Variants in LUZP2 observed in about 807,000 individuals in gnomAD.
The protein encoded by LUZP2 is leucine zipper protein 2.
In LUZP2, 52 loss-of-function variants were observed where a neutral mutation model predicts 51.6. That is an observed-to-expected ratio of 1.01 (90% CI 0.81 to 1.27). LUZP2 has a LOEUF of 1.27. Among genes scored for constraint, LUZP2 ranks in the 50% most tolerant of loss-of-function variants. The pLI, the probability that LUZP2 is intolerant of heterozygous loss-of-function variation, is 0.00. For synonymous variants in LUZP2, 154 were observed against 137.3 expected, an observed-to-expected ratio of 1.12 and a Z score of -0.85; for missense variants, 436 against 395.4, an observed-to-expected ratio of 1.10 and a Z score of -0.87.
intron 1 of LUZP2, among the ~76,000 whole-genome samples, chr11:24,600,051 A>G (rs1206478502): frequency 6.6e-6 from 1 of 152,142 alleles, no homozygotes; most frequent in Non-Finnish European, 1.5e-5. Context: ...GTACCTGTGA[A>G]TGTGACCTTA....
chr11:24,657,284 T>A (rs1473885013), intron 1 of LUZP2, among the ~76,000 whole-genome samples: 1 of 152,196 alleles, frequency 6.6e-6, no homozygotes, highest in Non-Finnish European at 1.5e-5. Context: ...ATATATTAAA[T>A]GTGGATTATT....
chr11:24,744,825 C>A (rs983375796), intron 4 of LUZP2, among the ~76,000 whole-genome samples: 1 of 152,024 alleles, frequency 6.6e-6, no homozygotes, highest in Admixed American at 6.6e-5. Flanking sequence ...CTCTTTCAGT[C>A]TTTCTGATGT....
At chr11:24,575,916 A>G (rs1242244717) in intron 1 of LUZP2, among the ~76,000 whole-genome samples, 3 of 152,122 alleles carry the variant, frequency 2.0e-5, no homozygotes, top group South Asian at 4.2e-4. Context: ...GTAATACTCT[A>G]GAAGTTGGAG....
At chr11:24,965,335 T>C (rs978670690) in intron 7 of LUZP2, among the ~76,000 whole-genome samples, 24 of 150,452 alleles carry the variant, frequency 1.6e-4, no homozygotes, top group Non-Finnish European at 3.0e-5. Flanking sequence ...TGCTGAAATC[T>C]CCATTTCTTC....
intron 1 of LUZP2, among the ~76,000 whole-genome samples, chr11:24,616,921 A>C (rs1286252746): frequency 6.6e-6 from 1 of 152,216 alleles, no homozygotes; most frequent in African/African-American, 2.4e-5. Context: ...GGCACACAGC[A>C]TGGTAAATCT....
chr11:24,723,123 C>T (rs1230957759), intron 1 of LUZP2, among the ~76,000 whole-genome samples: 4 of 152,176 alleles, frequency 2.6e-5, no homozygotes, highest in East Asian at 1.9e-4. Flanking sequence ...CCTTTAGTAA[C>T]ATCCTCCCTT....
intron 9 of LUZP2, among the ~76,000 whole-genome samples, chr11:24,983,728 T>C (rs896643595): frequency 1.3e-5 from 2 of 151,438 alleles, no homozygotes; most frequent in African/African-American, 4.8e-5. Context: ...AATCTTAGTG[T>C]AAATATTTTT....
At chr11:24,913,670 TG>T (rs1277604492) in intron 6 of LUZP2, among the ~76,000 whole-genome samples, 44 of 73,378 alleles carry the variant, frequency 6.0e-4, no homozygotes, top group Admixed American at 1.4e-3. Context: ...TCTATTTATT[TG>T]TGTGTGTGTG....
At chr11:25,030,279 C>A (rs990350032) in intron 9 of LUZP2, among the ~76,000 whole-genome samples, 3 of 152,044 alleles carry the variant, frequency 2.0e-5, no homozygotes, top group Admixed American at 1.3e-4. Flanking sequence ...AGTTGTAGTT[C>A]AATTAATTCT....
At chr11:24,802,880 G>A (rs186972858) in intron 5 of LUZP2, among the ~76,000 whole-genome samples, 10 of 152,086 alleles carry the variant, frequency 6.6e-5, no homozygotes, top group Admixed American at 3.3e-4. Flanking sequence ...TTATATAAAA[G>A]GTTGAAGAGA....
At chr11:24,576,023 G>A (rs958364432) in intron 1 of LUZP2, among the ~76,000 whole-genome samples, 1 of 152,034 alleles carries the variant, frequency 6.6e-6, no homozygotes, top group African/African-American at 2.4e-5. Context: ...TGTTACATAT[G>A]TATGTAACAA....
chr11:24,951,495 TTTAA>T (rs1270767005), intron 7 of LUZP2, among the ~76,000 whole-genome samples: 3 of 151,618 alleles, frequency 2.0e-5, no homozygotes, highest in African/African-American at 4.8e-5. Context: ...ATTATAAGAA[TTTAA>T]TTAATTATAA....
chr11:24,702,319 A>C (rs557310859), intron 1 of LUZP2, among the ~76,000 whole-genome samples: 1 of 152,344 alleles, frequency 6.6e-6, no homozygotes, highest in South Asian at 2.1e-4. Flanking sequence ...ACAAAGTGAA[A>C]TGTCTGTGGA....
rs1858441965 is a variant in LUZP2 at position 25,050,016 on chromosome 11, ATCTC to A, written c.766-18_766-15del. ...TGTATTTAGTGATTTCTTTCTTTCT[ATCTC>A]TCTTCGTCTCTTTTAAGCCTCAACA... is the stretch of plus-strand genomic sequence containing the variant. On this transcript the variant is annotated intron_variant, in intron 9 of 11. Coordinates refer to ENST00000336930, the MANE Select transcript of LUZP2 (RefSeq NM_001009909.4). 1.4e-6 allele frequency: 2 copies of A among 1,435,392 alleles called. No homozygotes were observed. Among genetic ancestry groups the A allele is most frequent in the South Asian group, 2.7e-5 (2 of 72,778 alleles). The allele number at this position is 1,435,392 out of a possible 1,614,324, so 88.9% of individuals were successfully genotyped here. A position where few individuals can be genotyped will look rare whatever the true frequency, so the allele number is the denominator to read the frequency against.
chr11:24,671,100 G>A (rs1296314212), intron 1 of LUZP2, among the ~76,000 whole-genome samples: 2 of 151,616 alleles, frequency 1.3e-5, no homozygotes, highest in Non-Finnish European at 2.9e-5. Context: ...TTATCAAATG[G>A]TAATTAATGT....
At chr11:24,590,776 GT>G (rs1013445103) in intron 1 of LUZP2, among the ~76,000 whole-genome samples, 16 of 151,926 alleles carry the variant, frequency 1.1e-4, no homozygotes, top group East Asian at 5.8e-4. Flanking sequence ...GGATATATGT[GT>G]TTTTTTTCCC....
At chr11:24,893,150 A>G (rs1182570617) in intron 5 of LUZP2, 1 of 152,198 alleles carries the variant, frequency 6.6e-6, no homozygotes, top group East Asian at 1.9e-4. Flanking sequence ...TGCCAGCTTA[A>G]TCCTCAGCAA....
intron 4 of LUZP2, among the ~76,000 whole-genome samples, chr11:24,740,723 A>G (rs996498750): frequency 6.6e-6 from 1 of 152,110 alleles, no homozygotes; most frequent in Non-Finnish European, 1.5e-5. Context: ...TAGACATTAA[A>G]CTAAAGTCAT....
At chr11:24,683,889 CCCACCATCCCT>C (rs1168519948) in intron 1 of LUZP2, among the ~76,000 whole-genome samples, 4 of 151,890 alleles carry the variant, frequency 2.6e-5, no homozygotes, top group Non-Finnish European at 5.9e-5. Context: ...CAAAACAGAA[CCCACCATCCCT>C]TTATTGTTAC....
Sources: gnomAD v4.1 joint callset for allele counts (sites outside exome capture counted in the v4.1 genomes callset) on GRCh38, gnomAD v4.1.1 for gene constraint, MANE v1.5 for transcripts, NCBI Gene and HGNC (gene_info 2026-07-23, HGNC 2026-07-21) for gene names.